PTPN21: variants seen among roughly 807,000 people sequenced by gnomAD.
The protein encoded by PTPN21 is tyrosine-protein phosphatase non-receptor type 21.
A neutral mutation model predicts 131.8 loss-of-function variants in PTPN21; 77 were observed. The observed-to-expected ratio is 0.58, with a 90% confidence interval of 0.49 to 0.71. The LOEUF (loss-of-function observed/expected upper bound fraction) is 0.71, where lower values mean the gene tolerates loss of function less well. PTPN21 is among the 30% of genes least tolerant of loss of function. The probability of loss-of-function intolerance (pLI) is 0.00; values close to 1 mark genes in which losing one functional copy is unlikely to be tolerated. For synonymous variants in PTPN21, 715 were observed against 621.3 expected, an observed-to-expected ratio of 1.15 and a Z score of -2.24; for missense variants, 1,552 against 1,527.1, an observed-to-expected ratio of 1.02 and a Z score of -0.27.
chr14:88,550,360 T>TG lies in PTPN21; in HGVS notation c.57dup (p.Lys20GlnfsTer12). ...TGGATCCGGGCAACCAGGCAACTCT[T>TG]GCTGGACACCGTGTAGCGCCGGGTG... On this transcript the variant is annotated frameshift_variant, in exon 2 of 19. Transcript: ENST00000556564. LOFTEE classifies it high-confidence loss of function. 6.2e-7 allele frequency: 1 copy of TG among 1,614,224 alleles called. No individual in the cohort carries two copies. Among genetic ancestry groups the TG allele is most frequent in the Non-Finnish European group, 8.5e-7 (1 of 1,180,030 alleles).
chr14:88,478,192 T>A (rs2077575866), intron 13 of PTPN21, among the ~76,000 whole-genome samples: 1 of 152,262 alleles, frequency 6.6e-6, no homozygotes, highest in Non-Finnish European at 1.5e-5. Flanking sequence ...CTAGAGATGA[T>A]GCTACTATGC....
chr14:88,527,326 T>C (rs1595402801), intron 2 of PTPN21, among the ~76,000 whole-genome samples: 1 of 152,324 alleles, frequency 6.6e-6, no homozygotes, highest in East Asian at 1.9e-4. Context: ...CTATTATTCT[T>C]TGATTTTTTT....
rs764724955 is a variant in PTPN21, at chr14:88,468,175, C to T, written c.3487G>A (p.Val1163Ile). 2 of 1,613,660 alleles carry T rather than the reference C, an allele frequency of 1.2e-6. No individual in the cohort carries two copies. Among genetic ancestry groups the T allele is most frequent in the East Asian group, 4.5e-5 (2 of 44,880 alleles). Reference sequence around the variant, plus strand: ...GAGCTTTTCAGGAACTGGATGAGGACTCTGTACACAAATGTGTACTGGCAG... The same window carrying T: ...GAGCTTTTCAGGAACTGGATGAGGATTCTGTACACAAATGTGTACTGGCAG... ...TLCQYTFVYR[V>I]LIQFLKSSRL... The change falls in exon 19 of 19, where the codon GTC (valine) becomes ATC (isoleucine). Residue 1163 changes from valine to isoleucine, a missense_variant. Physicochemically the swap from Val to Ile is conservative, Grantham distance 29. Coordinates refer to ENST00000556564, the MANE Select transcript of PTPN21 (RefSeq NM_007039.4).
chr14:88,517,297 C>A (rs966315238), intron 2 of PTPN21, 36 bp from the exon 3 acceptor site: 2 of 1,601,290 alleles, frequency 1.2e-6, no homozygotes, highest in Non-Finnish European at 1.7e-6. Flanking sequence ...GAGGCAATAA[C>A]ATACAAAAGG....
At chr14:88,552,166 G>A (rs2078878480) in intron 1 of PTPN21, 1 of 152,288 alleles carries the variant, frequency 6.6e-6, no homozygotes, top group Non-Finnish European at 1.5e-5. Context: ...TTCACGCTAG[G>A]ACGGGCTGAG....
In PTPN21 at chr14:88,473,553, C is replaced by T. The variant is rs1404521029; in HGVS notation, c.2649+112G>A. The T allele has an allele frequency of 9.2e-6, 12 of 1,305,040 alleles. No individual in the cohort carries two copies. In the East Asian group the frequency reaches 2.5e-4, roughly 28 times the overall value. 80.8% of individuals were successfully genotyped at this position (1,305,040 alleles called of 1,614,324 possible). ...CCATATTACAAAATTCCTTAACACT[C>T]ATTTATTATTAAATTGTGTTAGAAA... On this transcript the variant is annotated intron_variant, in intron 14 of 18. Coordinates refer to ENST00000556564, the MANE Select transcript of PTPN21 (RefSeq NM_007039.4).
intron 2 of PTPN21, among the ~76,000 whole-genome samples, chr14:88,524,787 C>A (rs1346890187): frequency 1.3e-5 from 2 of 152,004 alleles, no homozygotes; most frequent in African/African-American, 4.8e-5. Context: ...CACCTGTAGT[C>A]CCAGCTACTC....
chr14:88,512,052 T>C (rs1308751021), intron 3 of PTPN21, among the ~76,000 whole-genome samples: 1 of 152,180 alleles, frequency 6.6e-6, no homozygotes, highest in Non-Finnish European at 1.5e-5. Context: ...TTGGAAATTC[T>C]GAAACATATG....
chr14:88,492,477 A>G (rs1212071508), intron 10 of PTPN21, among the ~76,000 whole-genome samples: 1 of 152,196 alleles, frequency 6.6e-6, no homozygotes, highest in East Asian at 1.9e-4. Context: ...GTCAGTGCTT[A>G]CGAAAATCCC....
At position 88,554,973 on chromosome 14, in the gene PTPN21, G is replaced by A. The variant is rs1248140729; in HGVS notation, c.-525C>T. On this transcript the variant is annotated 5_prime_UTR_variant, in exon 1 of 19. Coordinates refer to ENST00000556564, the MANE Select transcript of PTPN21 (RefSeq NM_007039.4). ...AGACCGTCGGACCGACGCGGGACGCGCGGCCGGAGCAGCGGGGCGGCCGGG... is the reference window on the plus strand; with the variant it reads ...AGACCGTCGGACCGACGCGGGACGCACGGCCGGAGCAGCGGGGCGGCCGGG... 1.1e-5 allele frequency among the ~76,000 whole-genome samples: 1 copy of A among 88,676 alleles called. No individual in the cohort carries two copies. Among genetic ancestry groups the A allele is most frequent in the Non-Finnish European group, 2.7e-5 (1 of 37,070 alleles). The allele number at this position is 88,676 out of a possible 152,430, so 58.2% of individuals were successfully genotyped here.
At chr14:88,489,554 G>C (rs1357082981) in intron 10 of PTPN21, among the ~76,000 whole-genome samples, 2 of 152,112 alleles carry the variant, frequency 1.3e-5, no homozygotes, top group Non-Finnish European at 2.9e-5. Context: ...GAGGGCTGAG[G>C]CCAGTGGATC....
Position 88,479,517 on chromosome 14 carries a change from G to T in PTPN21, c.1914C>A (p.Ile638=). The T allele has an allele frequency of 1.2e-6, 2 of 1,600,778 alleles. No homozygotes were observed. Among genetic ancestry groups the T allele is most frequent in the Non-Finnish European group, 1.7e-6 (2 of 1,179,290 alleles). The stretch of plus-strand genomic sequence containing the variant: ...GGCCGTGGCTGAGCCCGGCCACCTC[G>T]ATGCTGTTCCGTTTGTGCAGCTGCG... The part of the protein sequence containing the change: ...RHAQLHKRNS[I]EVAGLSHGLE... Residue 638 remains isoleucine (I), a synonymous_variant, in exon 13 of 19, where the codon ATC becomes ATA. Coordinates refer to ENST00000556564, the MANE Select transcript of PTPN21 (RefSeq NM_007039.4).
chr14:88,543,191 C>T lies in PTPN21; in HGVS notation c.180+7047G>A, dbSNP rs188049641. 1.5e-4 allele frequency among the ~76,000 whole-genome samples: 23 copies of T among 152,240 alleles called. No homozygotes were observed. In the East Asian group the frequency reaches 4.1e-3, roughly 27 times the overall value. On this transcript the variant is annotated intron_variant, in intron 2 of 18. Transcript: ENST00000556564. Reference sequence around the variant, plus strand: ...AGTTGTGCTTGAGGGTTATGGTTTGCGTTATATGCTTGATTCCTCTCTATT... The same window carrying T: ...AGTTGTGCTTGAGGGTTATGGTTTGTGTTATATGCTTGATTCCTCTCTATT...
At chr14:88,519,129 CTG>C (rs1369985088) in intron 2 of PTPN21, among the ~76,000 whole-genome samples, 2 of 152,256 alleles carry the variant, frequency 1.3e-5, no homozygotes, top group Non-Finnish European at 2.9e-5. Flanking sequence ...TGAAATGAAA[CTG>C]TTAAGATAAA....
At chr14:88,496,605 T>C in intron 9 of PTPN21, 113 bp from the exon 10 acceptor site, 1 of 796,106 alleles carries the variant, frequency 1.3e-6, no homozygotes, top group Non-Finnish European at 2.2e-6. Context: ...AAAGTCACTT[T>C]CAGAACACTA....
At chr14:88,546,562 T>G (rs2078785034) in intron 2 of PTPN21, among the ~76,000 whole-genome samples, 4 of 117,496 alleles carry the variant, frequency 3.4e-5, no homozygotes, top group South Asian at 2.8e-4. Context: ...GGCAAAAGAG[T>G]GAAACTCCAT....
chr14:88,469,675 G>A lies in PTPN21; in HGVS notation c.3059C>T (p.Thr1020Ile). Residue 1020 changes from threonine (T) to isoleucine (I), a missense_variant, in exon 17 of 19, where the codon ACT becomes ATT. Coordinates refer to ENST00000556564, the MANE Select transcript of PTPN21 (RefSeq NM_007039.4). This position sits in a 1 kb window ranked among gnomAD's most constrained non-coding sequence, Gnocchi z 4.3. The part of the protein sequence containing the change: ...YWPRLGSRHN[T>I]VTYGRFKITT... The stretch of plus-strand genomic sequence containing the variant: ...GATCTTAAACCTTCCATAGGTGACA[G>A]TGTTGTGCCTGGAACCAAGTCGTGG... The A allele has an allele frequency of 1.9e-6, 3 of 1,614,196 alleles. No individual in the cohort carries two copies. The highest frequency in any genetic ancestry group is 2.2e-5 in the South Asian group (2 of 91,084).
intron 3 of PTPN21, chr14:88,515,473 A>T (rs1472597603): frequency 6.6e-6 from 1 of 152,050 alleles, no homozygotes; most frequent in African/African-American, 2.4e-5. Context: ...TAATGATTCC[A>T]TTAAATTTGA....
intron 10 of PTPN21, among the ~76,000 whole-genome samples, chr14:88,492,240 T>G (rs1339251500): frequency 6.6e-6 from 1 of 152,356 alleles, no homozygotes; most frequent in South Asian, 2.1e-4. Context: ...ATGAAAATGC[T>G]GTGGTCCAAC....
Sources: allele counts gnomAD v4.1 joint callset (sites outside exome capture counted in the v4.1 genomes callset), GRCh38; gene constraint gnomAD v4.1.1; non-coding constraint Gnocchi (gnomAD v3.1); transcripts MANE v1.5; gene names NCBI Gene and HGNC (gene_info 2026-07-23, HGNC 2026-07-21).